Variants in CAPN8 observed in about 807,000 individuals in gnomAD.
CAPN8 encodes the protein calpain-8.
In CAPN8, 87 loss-of-function variants were observed where a neutral mutation model predicts 80.9. The ratio of observed to expected loss-of-function variants is 1.07; its 90% CI spans 0.90 to 1.28. The LOEUF (loss-of-function observed/expected upper bound fraction) is 1.28. CAPN8 is among the 50% of genes most tolerant of loss of function. The pLI, the probability that CAPN8 is intolerant of heterozygous loss-of-function variation, is 0.00. For synonymous variants in CAPN8, 299 were observed against 273.8 expected (o/e 1.09, Z -0.91); for missense variants, 757 against 702.0 (o/e 1.08, Z -0.89).
chr1:223,656,668 G>GTTTTTTTTTTTT (rs1331913444), intron 1 of CAPN8, among the ~76,000 whole-genome samples: 3 of 94,822 alleles, frequency 3.2e-5, no homozygotes, highest in Non-Finnish European at 6.2e-5. Flanking sequence ...CACGTTTTGG[G>GTTTTTTTTTTTT]TTTTTTTGTT....
chr1:223,618,044 G>A (rs1031117854), intron 9 of CAPN8: 17 of 585,330 alleles, frequency 2.9e-5, no homozygotes, highest in African/African-American at 3.7e-5. Flanking sequence ...CCCTAGCACC[G>A]AGCACAGCCC....
At chr1:223,634,828 GA>G (rs1162475257) in intron 2 of CAPN8, among the ~76,000 whole-genome samples, 1 of 152,188 alleles carries the variant, frequency 6.6e-6, no homozygotes, top group Admixed American at 6.5e-5. Flanking sequence ...TGGATGTTAG[GA>G]TTGCAAGATA....
At chr1:223,633,129 A>C (rs183194249) in intron 2 of CAPN8, among the ~76,000 whole-genome samples, 23 of 152,330 alleles carry the variant, frequency 1.5e-4, no homozygotes, top group Non-Finnish European at 2.9e-4. Context: ...CTTATTATAA[A>C]AGAAGAACTT....
At chr1:223,647,403 A>G (rs942864947) in intron 2 of CAPN8, among the ~76,000 whole-genome samples, 1 of 152,224 alleles carries the variant, frequency 6.6e-6, no homozygotes, top group African/African-American at 2.4e-5. Flanking sequence ...AGAAAAATGC[A>G]TAAATGATTT....
intron 9 of CAPN8, among the ~76,000 whole-genome samples, chr1:223,616,624 G>C (rs1303742779): frequency 6.6e-6 from 1 of 152,138 alleles, no homozygotes; most frequent in Non-Finnish European, 1.5e-5. Context: ...CTACCAAAAA[G>C]GTCTCTCCGT....
intron 1 of CAPN8, among the ~76,000 whole-genome samples, chr1:223,663,032 C>G (rs926157511): frequency 6.6e-6 from 1 of 152,206 alleles, no homozygotes; most frequent in African/African-American, 2.4e-5. Context: ...TTTTGACACG[C>G]ATTTATTTAC....
At chr1:223,550,837 G>A in intron 15 of CAPN8, 123 bp downstream of exon 15, 1 of 606,754 alleles carries the variant, frequency 1.6e-6, no homozygotes, top group Non-Finnish European at 3.0e-6. Flanking sequence ...GGGCTCCTGG[G>A]GTCAGACACC....
chr1:223,635,328 A>AACAC (rs1292636076), intron 2 of CAPN8, among the ~76,000 whole-genome samples: 2 of 151,894 alleles, frequency 1.3e-5, no homozygotes, highest in Non-Finnish European at 2.9e-5. Flanking sequence ...ACTACCTTAA[A>AACAC]ACACACACAC....
chr1:223,621,443 A>C (rs1558344034), intron 7 of CAPN8, among the ~76,000 whole-genome samples: 1 of 152,138 alleles, frequency 6.6e-6, no homozygotes, highest in East Asian at 1.9e-4. Flanking sequence ...GGGAAAGGAG[A>C]GAAAGTCAAA....
intron 2 of CAPN8, among the ~76,000 whole-genome samples, chr1:223,652,190 A>T (rs998465768): frequency 2.0e-5 from 3 of 152,050 alleles, no homozygotes; most frequent in South Asian, 2.1e-4. Context: ...AACTACAAAA[A>T]AATTAGCTGG....
At chr1:223,622,217 A>G (rs1226515512) in intron 7 of CAPN8, among the ~76,000 whole-genome samples, 3 of 152,152 alleles carry the variant, frequency 2.0e-5, no homozygotes, top group South Asian at 2.1e-4. Context: ...TGATGGGGAC[A>G]TGGATTCCAG....
intron 2 of CAPN8, among the ~76,000 whole-genome samples, chr1:223,634,282 C>T (rs1657854510): frequency 6.6e-6 from 1 of 152,112 alleles, no homozygotes; most frequent in African/African-American, 2.4e-5. Context: ...AAGGAGCACT[C>T]AGGTGGGGCT....
intron 11 of CAPN8, among the ~76,000 whole-genome samples, chr1:223,611,320 C>A (rs1280479952): frequency 2.0e-5 from 3 of 152,200 alleles, no homozygotes; most frequent in African/African-American, 7.2e-5. Flanking sequence ...ACCAGTGTGC[C>A]CTATCAGTTT....
chr1:223,656,529 A>T (rs1201092610), intron 1 of CAPN8, among the ~76,000 whole-genome samples: 1 of 152,108 alleles, frequency 6.6e-6, no homozygotes, highest in Non-Finnish European at 1.5e-5. Flanking sequence ...ACATGAGAAA[A>T]AAAACCCAAC....
At chr1:223,611,588 C>T (rs1657031946) in intron 11 of CAPN8, among the ~76,000 whole-genome samples, 1 of 152,224 alleles carries the variant, frequency 6.6e-6, no homozygotes, top group African/African-American at 2.4e-5. Context: ...GTTGCTAACA[C>T]CACTGTCTGG....
At chr1:223,622,211 G>A (rs986006974) in intron 7 of CAPN8, among the ~76,000 whole-genome samples, 5 of 152,176 alleles carry the variant, frequency 3.3e-5, no homozygotes, top group African/African-American at 1.2e-4. Context: ...CCTGCATGAT[G>A]GGGACATGGA....
At chr1:223,618,423 CCCTGT>C in intron 9 of CAPN8, 2 of 1,150,616 alleles carry the variant, frequency 1.7e-6, no homozygotes, top group South Asian at 1.5e-5. Context: ...GACACGCATG[CCCTGT>C]GTGTGGCCAT....
At chr1:223,662,057 G>A in intron 1 of CAPN8, among the ~76,000 whole-genome samples, 1 of 152,170 alleles carries the variant, frequency 6.6e-6, no homozygotes, top group East Asian at 1.9e-4. Flanking sequence ...AGTGAGTTAT[G>A]CCAGTCACAA....
At chr1:223,637,706 G>A (rs1041672665) in intron 2 of CAPN8, among the ~76,000 whole-genome samples, 1 of 152,124 alleles carries the variant, frequency 6.6e-6, no homozygotes, top group Admixed American at 6.5e-5. Flanking sequence ...ATCACCATGT[G>A]CGGGGCCATC....
Sources: gnomAD v4.1 joint callset for allele counts (sites outside exome capture counted in the v4.1 genomes callset) on GRCh38, gnomAD v4.1.1 for gene constraint, MANE v1.5 for transcripts, NCBI Gene and HGNC (gene_info 2026-07-23, HGNC 2026-07-21) for gene names.